BMAL1: variants seen among roughly 807,000 people sequenced by gnomAD.
BMAL1 encodes the protein basic helix-loop-helix ARNT like 1.
At chr11:13,335,965 T>C in the BMAL1 span, among the ~76,000 whole-genome samples, 4 of 152,120 alleles carry the variant, frequency 2.6e-5, no homozygotes, top group African/African-American at 7.3e-5. Context: ...ATTTAAAATA[T>C]TTTTATTGCA....
At chr11:13,364,896 T>C in the BMAL1 span, among the ~76,000 whole-genome samples, 1 of 152,182 alleles carries the variant, frequency 6.6e-6, no homozygotes, top group African/African-American at 2.4e-5. Context: ...CTCAGCCCTA[T>C]GTACATTAGA....
chr11:13,277,310 C>T, the BMAL1 span, among the ~76,000 whole-genome samples: 2 of 152,152 alleles, frequency 1.3e-5, no homozygotes, highest in Non-Finnish European at 2.9e-5. Context: ...CGGCCAAACG[C>T]CAGCCGGCAG....
chr11:13,305,336 T>C, the BMAL1 span, among the ~76,000 whole-genome samples: 24 of 152,202 alleles, frequency 1.6e-4, no homozygotes, highest in Admixed American at 3.9e-4. Context: ...AGAGAAATGA[T>C]AGTTCTTTCT....
At chr11:13,381,344 T>G in the BMAL1 span, 1 of 1,241,638 alleles carries the variant, frequency 8.1e-7, no homozygotes, top group Non-Finnish European at 1.2e-6. Context: ...GCAACTGCGA[T>G]TGCTGAAACA....
At chr11:13,383,782 T>C in the BMAL1 span, among the ~76,000 whole-genome samples, 1 of 152,026 alleles carries the variant, frequency 6.6e-6, no homozygotes, top group African/African-American at 2.4e-5. Flanking sequence ...GCCCAGGAGG[T>C]TGAGGCTGCA....
At chr11:13,369,604 G>C in the BMAL1 span, 3 of 1,613,690 alleles carry the variant, frequency 1.9e-6, no homozygotes, top group Non-Finnish European at 2.5e-6. Flanking sequence ...CACATTTTGT[G>C]TATTGATTTG....
At chr11:13,292,528 CAG>C in the BMAL1 span, among the ~76,000 whole-genome samples, 3 of 146,416 alleles carry the variant, frequency 2.0e-5, no homozygotes, top group African/African-American at 5.1e-5. Context: ...GCCTGGGCGA[CAG>C]AGCGAGACTC....
chr11:13,311,080 G>A, the BMAL1 span, among the ~76,000 whole-genome samples: 2 of 152,202 alleles, frequency 1.3e-5, no homozygotes. Flanking sequence ...TGTTTACGGT[G>A]GTATCTTTGA....
the BMAL1 span, among the ~76,000 whole-genome samples, chr11:13,309,663 G>A: frequency 3.2e-4 from 48 of 152,088 alleles, no homozygotes; most frequent in Admixed American, 3.1e-3. Flanking sequence ...GGTATGGGAC[G>A]GGGTGAATTT....
chr11:13,365,692 C>G, the BMAL1 span: 15 of 896,880 alleles, frequency 1.7e-5, no homozygotes, highest in Non-Finnish European at 2.6e-5. Flanking sequence ...CACATGTGAA[C>G]TTCTTCCAGA....
the BMAL1 span, among the ~76,000 whole-genome samples, chr11:13,373,594 C>T: frequency 7.9e-5 from 12 of 152,162 alleles, no homozygotes; most frequent in Non-Finnish European, 1.3e-4. Context: ...GTAGCCTTGA[C>T]CTCCCGGGCT....
At chr11:13,328,147 C>A in the BMAL1 span, among the ~76,000 whole-genome samples, 1 of 152,126 alleles carries the variant, frequency 6.6e-6, no homozygotes, top group Non-Finnish European at 1.5e-5. Flanking sequence ...AAGCCATGGC[C>A]TGCATCTAGA....
the BMAL1 span, among the ~76,000 whole-genome samples, chr11:13,277,289 G>GT: frequency 6.6e-6 from 1 of 152,360 alleles, no homozygotes; most frequent in Admixed American, 6.5e-5. Context: ...AGGAGGAGGG[G>GT]TGAGGGCGGG....
At chr11:13,297,724 A>G in the BMAL1 span, among the ~76,000 whole-genome samples, 2 of 152,170 alleles carry the variant, frequency 1.3e-5, no homozygotes, top group East Asian at 3.9e-4. Flanking sequence ...TCCATCTGGA[A>G]TGCTCTCTTC....
At chr11:13,386,617 T>A in the BMAL1 span, 4 of 1,614,036 alleles carry the variant, frequency 2.5e-6, no homozygotes, top group Non-Finnish European at 3.4e-6. Flanking sequence ...CACATAGGTA[T>A]AGACATGATT....
the BMAL1 span, among the ~76,000 whole-genome samples, chr11:13,339,170 C>G: frequency 6.6e-6 from 1 of 152,228 alleles, no homozygotes; most frequent in African/African-American, 2.4e-5. Flanking sequence ...CGTCAGGAAA[C>G]CCATTGGCTT....
the BMAL1 span, chr11:13,326,402 C>T: frequency 6.6e-6 from 1 of 152,294 alleles, no homozygotes; most frequent in African/African-American, 2.4e-5. Flanking sequence ...CCTCTCCTCT[C>T]CCTTCCAAAG....
the BMAL1 span, chr11:13,374,216 A>T: frequency 1.2e-6 from 2 of 1,606,558 alleles, no homozygotes; most frequent in Non-Finnish European, 8.5e-7. Context: ...GCTAGGATGT[A>T]TGAAAGATCT....
At chr11:13,334,910 G>T in the BMAL1 span, among the ~76,000 whole-genome samples, 1 of 152,248 alleles carries the variant, frequency 6.6e-6, no homozygotes, top group Admixed American at 6.5e-5. Context: ...TACACTGACA[G>T]GGCCAGAAGG....
Sources: allele counts gnomAD v4.1 joint callset (sites outside exome capture counted in the v4.1 genomes callset), GRCh38; gene constraint gnomAD v4.1.1; transcripts MANE v1.5; gene names NCBI Gene and HGNC (gene_info 2026-07-23, HGNC 2026-07-21).